The following PPARGC1A variants were observed in gnomAD, a reference collection of about 807,000 sequenced individuals.
PPARGC1A encodes the protein peroxisome proliferator-activated receptor gamma coactivator 1-alpha.
Under a neutral mutation model 88.7 loss-of-function variants are expected in PPARGC1A, and 25 were observed. The observed-to-expected ratio is 0.28, with a 90% CI of 0.21 to 0.39. The LOEUF is 0.39. PPARGC1A is among the 10% of genes least tolerant of loss of function. PPARGC1A has a pLI of 1.00. For missense variants in PPARGC1A, 880 were observed against 968.7 expected, an observed-to-expected ratio of 0.91 and a Z score of 1.22; for synonymous variants, 363 against 355.6, an observed-to-expected ratio of 1.02 and a Z score of -0.24.
chr4:24,305,718 A>T, the PPARGC1A span, among the ~76,000 whole-genome samples: 24 of 152,190 alleles, frequency 1.6e-4, no homozygotes, highest in African/African-American at 5.8e-4. Flanking sequence ...AGGCTGAGGC[A>T]GGAGAATCAC....
the PPARGC1A span, among the ~76,000 whole-genome samples, chr4:23,920,982 A>G: frequency 6.6e-6 from 1 of 152,174 alleles, no homozygotes; most frequent in East Asian, 1.9e-4. Context: ...CAAGGAGGCT[A>G]GAGGACACAA....
At chr4:24,324,757 T>C in the PPARGC1A span, among the ~76,000 whole-genome samples, 1 of 152,144 alleles carries the variant, frequency 6.6e-6, no homozygotes, top group Non-Finnish European at 1.5e-5. Context: ...CATCAGTCCC[T>C]TCCTAGTCTC....
At chr4:24,159,019 G>A in the PPARGC1A span, among the ~76,000 whole-genome samples, 2 of 151,908 alleles carry the variant, frequency 1.3e-5, no homozygotes, top group African/African-American at 2.4e-5. Context: ...TACAATAACG[G>A]TACTTAATAT....
the PPARGC1A span, among the ~76,000 whole-genome samples, chr4:24,392,907 G>A: frequency 2.6e-5 from 4 of 151,954 alleles, no homozygotes; most frequent in Non-Finnish European, 4.4e-5. Context: ...TTTCTGCTTA[G>A]ATTACCATTA....
the PPARGC1A span, among the ~76,000 whole-genome samples, chr4:24,006,933 A>T: frequency 6.6e-6 from 1 of 152,144 alleles, no homozygotes; most frequent in Non-Finnish European, 1.5e-5. Flanking sequence ...TATTTTTCCT[A>T]GATTTAATGT....
the PPARGC1A span, among the ~76,000 whole-genome samples, chr4:24,220,327 G>A: frequency 2.0e-5 from 3 of 152,160 alleles, no homozygotes; most frequent in African/African-American, 7.2e-5. Context: ...ATTTCTCAAA[G>A]AAATAAAAAT....
At chr4:24,106,211 A>G in the PPARGC1A span, among the ~76,000 whole-genome samples, 1 of 152,148 alleles carries the variant, frequency 6.6e-6, no homozygotes, top group Non-Finnish European at 1.5e-5. Flanking sequence ...CAAGCCCAGA[A>G]AGAGGCAAAC....
chr4:24,120,460 C>T, the PPARGC1A span, among the ~76,000 whole-genome samples: 6 of 152,148 alleles, frequency 3.9e-5, no homozygotes, highest in Admixed American at 1.3e-4. Context: ...TGCAATATCT[C>T]GTTTAACCCC....
At chr4:24,403,532 G>A in the PPARGC1A span, among the ~76,000 whole-genome samples, 2 of 152,282 alleles carry the variant, frequency 1.3e-5, no homozygotes, top group East Asian at 1.9e-4. Context: ...CACCCAGTGC[G>A]GCACCCTGGA....
chr4:23,831,497 C>A, intron 3 of PPARGC1A, 60 bp downstream of exon 3: 1 of 1,448,118 alleles, frequency 6.9e-7, no homozygotes, highest in Non-Finnish European at 9.6e-7. Context: ...ACATCATACC[C>A]ATGCAGCGGG....
chr4:23,831,843 T>C, intron 2 of PPARGC1A, 92 bp from the exon 3 acceptor site: 3 of 1,017,392 alleles, frequency 2.9e-6, no homozygotes, highest in Non-Finnish European at 4.5e-6. Context: ...GAGTGAACCA[T>C]ACGTGAAATC....
At chr4:24,157,221 C>T in the PPARGC1A span, among the ~76,000 whole-genome samples, 7 of 152,128 alleles carry the variant, frequency 4.6e-5, no homozygotes, top group African/African-American at 1.7e-4. Context: ...CAAGAAAAGT[C>T]GCCCTGAACC....
the PPARGC1A span, among the ~76,000 whole-genome samples, chr4:24,424,263 T>A: frequency 1.9e-5 from 1 of 53,274 alleles, no homozygotes; most frequent in Non-Finnish European, 4.3e-5. Flanking sequence ...ACACACTTTT[T>A]TTTTTTTTTT....
At chr4:24,343,849 A>G in the PPARGC1A span, among the ~76,000 whole-genome samples, 2 of 152,150 alleles carry the variant, frequency 1.3e-5, no homozygotes, top group Admixed American at 1.3e-4. Context: ...TCACCCGAGC[A>G]GTATACATTG....
At position 23,831,716 on chromosome 4, in the gene PPARGC1A, T is replaced by A. The variant is rs1390786408; in HGVS notation, c.270A>T (p.Ala90=). 1 of 1,613,770 alleles carries A rather than the reference T, an allele frequency of 6.2e-7. No individual in the cohort carries two copies. Among genetic ancestry groups the A allele is most frequent in the Non-Finnish European group, 8.5e-7 (1 of 1,179,794 alleles). Residue 90 remains alanine (A), a synonymous_variant, in exon 3 of 13, where the codon GCA becomes GCT. Transcript: ENST00000264867. ...GACTGTCTAGTGTCTCTGTGAGGAC[T>A]GCTAGCAAGTTTGCCTCATTCTCTT... is the stretch of plus-strand genomic sequence containing the variant. ...IDEENEANLL[A]VLTETLDSLP...
At chr4:23,892,441 A>ACT (rs1717983188), upstream of PPARGC1A, among the ~76,000 whole-genome samples, 1 of 150,300 alleles carries the variant, frequency 6.7e-6, no homozygotes, top group Non-Finnish European at 1.5e-5. Flanking sequence ...TTTCCACGAT[A>ACT]TTTTTTTTTT....
At chr4:24,279,318 T>C in the PPARGC1A span, among the ~76,000 whole-genome samples, 1 of 152,296 alleles carries the variant, frequency 6.6e-6, no homozygotes, top group African/African-American at 2.4e-5. Flanking sequence ...ATGCAAGATT[T>C]AGTGATTTCC....
At chr4:24,146,041 A>G in the PPARGC1A span, among the ~76,000 whole-genome samples, 2 of 152,240 alleles carry the variant, frequency 1.3e-5, no homozygotes, top group Non-Finnish European at 2.9e-5. Flanking sequence ...TTGAGAATGC[A>G]TGTTAAAAAG....
At chr4:23,961,195 C>T in the PPARGC1A span, among the ~76,000 whole-genome samples, 1 of 152,122 alleles carries the variant, frequency 6.6e-6, no homozygotes, top group Non-Finnish European at 1.5e-5. Flanking sequence ...AGTTCTGCCA[C>T]CATAACAGAA....
Sources: gnomAD v4.1 joint callset for allele counts (sites outside exome capture counted in the v4.1 genomes callset) on GRCh38, gnomAD v4.1.1 for gene constraint, MANE v1.5 for transcripts, NCBI Gene and HGNC (gene_info 2026-07-23, HGNC 2026-07-21) for gene names.